Variants in TMEM51 observed in about 807,000 individuals in gnomAD.
TMEM51 encodes transmembrane protein 51.
Under a neutral mutation model 13.6 loss-of-function variants are expected in TMEM51, and 8 were observed. The ratio of observed to expected loss-of-function variants is 0.59; its 90% confidence interval spans 0.35 to 1.07. The LOEUF is 1.07. Ranked by LOEUF, TMEM51 falls within the 50% of genes least tolerant of loss-of-function variation. The pLI is 0.02. For missense variants in TMEM51, 279 were observed against 330.7 expected (o/e 0.84, Z 1.21); for synonymous variants, 147 against 144.4 (o/e 1.02, Z -0.13).
intron 1 of TMEM51, among the ~76,000 whole-genome samples, chr1:15,206,631 C>T (rs997680249): frequency 5.0e-5 from 7 of 140,626 alleles, no homozygotes; most frequent in African/African-American, 1.2e-4. Context: ...GAAGGGTGGC[C>T]GTGAGGATCG....
intron 1 of TMEM51, among the ~76,000 whole-genome samples, chr1:15,154,162 G>A (rs941749956): frequency 6.6e-6 from 1 of 152,048 alleles, no homozygotes; most frequent in East Asian, 2.0e-4. Flanking sequence ...GGACGCTCCC[G>A]CCTCCCGGGC....
At chr1:15,198,498 C>T (rs1173518425) in intron 1 of TMEM51, among the ~76,000 whole-genome samples, 1 of 152,076 alleles carries the variant, frequency 6.6e-6, no homozygotes, top group African/African-American at 2.4e-5. Flanking sequence ...CTCACTACAA[C>T]CTCTGCCTCC....
At chr1:15,213,870 CT>C (rs1217802226) in intron 2 of TMEM51, among the ~76,000 whole-genome samples, 1 of 151,980 alleles carries the variant, frequency 6.6e-6, no homozygotes, top group African/African-American at 2.4e-5. Context: ...GAGACAGAGT[CT>C]TGCTCTGTCA....
intron 1 of TMEM51, among the ~76,000 whole-genome samples, chr1:15,154,703 T>G (rs1378718558): frequency 2.0e-5 from 3 of 152,152 alleles, no homozygotes; most frequent in South Asian, 2.1e-4. Flanking sequence ...TACAGGATAA[T>G]GGTCTCTTTC....
intron 1 of TMEM51, among the ~76,000 whole-genome samples, chr1:15,197,250 A>G (rs67023840): frequency 0.16 from 24,676 of 152,200 alleles, 2,147 homozygotes; most frequent in Non-Finnish European, 0.2. Context: ...AGGCCTGGGC[A>G]TGTGCCTGCC....
At chr1:15,164,475 G>T (rs1642914228) in intron 1 of TMEM51, 2 of 456,124 alleles carry the variant, frequency 4.4e-6, no homozygotes, top group Non-Finnish European at 8.8e-6. Flanking sequence ...CAAAGGTGAA[G>T]TGTGCTTCTC....
Position 15,207,943 on chromosome 1 carries a change from A to T in TMEM51, c.-266-2547A>T, listed in dbSNP as rs1644279178. On this transcript the variant is annotated intron_variant, in intron 1 of 3. Coordinates refer to ENST00000376008, the MANE Select transcript of TMEM51 (RefSeq NM_001136218.2). The surrounding 1 kb of genome is among the most constrained non-coding windows in gnomAD (Gnocchi z 4.6). ...CTCTCCCCTTCAGGCTTGGACTGGG[A>T]ATTTCCCCTCATTGATATGAGACAT... Among the ~76,000 whole-genome samples the T allele has an allele frequency of 6.6e-6, 1 of 152,232 alleles. No individual in the cohort carries two copies.
intron 1 of TMEM51, among the ~76,000 whole-genome samples, chr1:15,156,302 G>C (rs1642590640): frequency 6.6e-6 from 1 of 152,154 alleles, no homozygotes; most frequent in East Asian, 1.9e-4. Flanking sequence ...TGGAGCTTCT[G>C]GGGCTCCCGT....
intron 1 of TMEM51, among the ~76,000 whole-genome samples, chr1:15,176,945 A>T (rs1643472801): frequency 6.6e-6 from 1 of 152,214 alleles, no homozygotes; most frequent in African/African-American, 2.4e-5. Context: ...GACTCTGACA[A>T]AAAGAAGCAA....
chr1:15,199,321 A>G (rs1644109539), intron 1 of TMEM51, among the ~76,000 whole-genome samples: 1 of 151,920 alleles, frequency 6.6e-6, no homozygotes, highest in South Asian at 2.1e-4. Flanking sequence ...TTAAGTAGAG[A>G]TGGGGTCCCA....
At position 15,165,265 on chromosome 1, in the gene TMEM51, G is replaced by A. The variant is rs371195097; in HGVS notation, c.-267+11311G>A. Among the ~76,000 whole-genome samples the A allele has an allele frequency of 2.3e-4, 35 of 152,198 alleles. No homozygotes were observed. The East Asian group carries it at 6.0e-3, about 26-fold the overall frequency. ...CAGGAGGTAGAGGCTACAGTGAGCCGTGACTATGCCACTGCAGTCCAGTCT... is the reference window on the plus strand; with the variant it reads ...CAGGAGGTAGAGGCTACAGTGAGCCATGACTATGCCACTGCAGTCCAGTCT... On this transcript the variant is annotated intron_variant, in intron 1 of 3. Coordinates refer to ENST00000376008, the MANE Select transcript of TMEM51 (RefSeq NM_001136218.2).
intron 1 of TMEM51, among the ~76,000 whole-genome samples, chr1:15,204,397 T>C (rs1017294586): frequency 3.9e-5 from 6 of 152,186 alleles, no homozygotes; most frequent in African/African-American, 1.2e-4. Flanking sequence ...CTACTAAAAA[T>C]ACAAAAATTA....
At chr1:15,167,094 G>A (rs1026872932) in intron 1 of TMEM51, among the ~76,000 whole-genome samples, 7 of 152,084 alleles carry the variant, frequency 4.6e-5, no homozygotes, top group Non-Finnish European at 1.0e-4. Context: ...TTGGGAGGCC[G>A]AGGCGGGCAG....
At chr1:15,173,868 G>A (rs1643375025) in intron 1 of TMEM51, among the ~76,000 whole-genome samples, 1 of 152,186 alleles carries the variant, frequency 6.6e-6, no homozygotes, top group African/African-American at 2.4e-5. Context: ...GTAAGACTTA[G>A]GTTGTGGTCT....
At chr1:15,186,871 G>A (rs113508141) in intron 1 of TMEM51, among the ~76,000 whole-genome samples, 1 of 152,106 alleles carries the variant, frequency 6.6e-6, no homozygotes, top group Non-Finnish European at 1.5e-5. Context: ...TGAGGTGTGG[G>A]GTTGGTCCAG....
At chr1:15,218,525 T>C (rs1350772830) in intron 3 of TMEM51, among the ~76,000 whole-genome samples, 1 of 152,186 alleles carries the variant, frequency 6.6e-6, no homozygotes, top group East Asian at 1.9e-4. Flanking sequence ...TGTATCTCAG[T>C]CCATCTATAA....
intron 1 of TMEM51, among the ~76,000 whole-genome samples, chr1:15,191,032 C>T (rs1457613523): frequency 6.6e-6 from 1 of 152,202 alleles, no homozygotes; most frequent in Non-Finnish European, 1.5e-5. Flanking sequence ...GGTGATCTGC[C>T]AGCCTTGGCC....
At chr1:15,183,301 A>C (rs1399036756) in intron 1 of TMEM51, among the ~76,000 whole-genome samples, 1 of 152,210 alleles carries the variant, frequency 6.6e-6, no homozygotes, top group Non-Finnish European at 1.5e-5. Flanking sequence ...TGCATCCGTC[A>C]TGTGCGTAAT....
At chr1:15,179,849 A>T (rs1643560873) in intron 1 of TMEM51, among the ~76,000 whole-genome samples, 1 of 152,238 alleles carries the variant, frequency 6.6e-6, no homozygotes, top group African/African-American at 2.4e-5. Context: ...AAAATAAGGC[A>T]GAAAGGTAGA....
Sources: gnomAD v4.1 joint callset for allele counts (sites outside exome capture counted in the v4.1 genomes callset) on GRCh38, gnomAD v4.1.1 for gene constraint, Gnocchi (gnomAD v3.1) non-coding constraint, MANE v1.5 for transcripts, NCBI Gene and HGNC (gene_info 2026-07-23, HGNC 2026-07-21) for gene names.